The following EDAR variants were observed in gnomAD, a reference collection of about 807,000 sequenced individuals.
The protein encoded by EDAR is tumor necrosis factor receptor superfamily member EDAR.
EDAR carries 38 observed loss-of-function variants against 51.3 expected under a neutral mutation model. The observed-to-expected ratio is 0.74, with a 90% CI of 0.57 to 0.97. The LOEUF (loss-of-function observed/expected upper bound fraction) is 0.97, where lower values mean the gene tolerates loss of function less well. Ranked by LOEUF, EDAR falls within the 50% of genes least tolerant of loss-of-function variation. The pLI, the probability that EDAR is intolerant of heterozygous loss-of-function variation, is 0.00. For synonymous variants in EDAR, 227 were observed against 242.1 expected, an observed-to-expected ratio of 0.94 and a Z score of 0.58; for missense variants, 528 against 595.0, an observed-to-expected ratio of 0.89 and a Z score of 1.17.
chr2:108,942,539 C>G (rs942477977), intron 1 of EDAR, among the ~76,000 whole-genome samples: 1 of 152,270 alleles, frequency 6.6e-6, no homozygotes, highest in Non-Finnish European at 1.5e-5. Context: ...CAGGGGCCAG[C>G]GTCCCCGTCT....
rs1212929441 is a variant in EDAR, at chr2:108,894,745, T to A, written c.*2162A>T. 1 of 146,422 alleles carries A rather than the reference T, an allele frequency of 6.8e-6. No individual in the cohort carries two copies. Among genetic ancestry groups the A allele is most frequent in the Admixed American group, 6.6e-5 (1 of 15,088 alleles). The allele number at this position is 146,422 out of a possible 1,614,324, so 9.1% of individuals were successfully genotyped here. On this transcript the variant is annotated 3_prime_UTR_variant, in exon 12 of 12. Transcript: ENST00000258443. ...AAAGCTTGTCAGAGTAAATCCCATG[T>A]TTCCAAATAAGTAAATGACAAGGGA...
Position 108,910,607 on chromosome 2 carries a change from T to A in EDAR, c.731-75A>T, listed in dbSNP as rs1272656298. Reference sequence around the variant, plus strand: ...GGCTCTGCGCTCAGCCCAACCCTGCTCTTCCTGTTGGGCAGAGCTGCCCGG... The same window carrying A: ...GGCTCTGCGCTCAGCCCAACCCTGCACTTCCTGTTGGGCAGAGCTGCCCGG... On this transcript the variant is annotated intron_variant, in intron 8 of 11. Transcript: ENST00000258443. 4 of 1,437,308 alleles carry A rather than the reference T, an allele frequency of 2.8e-6. No individual in the cohort carries two copies. The Admixed American group carries it at 5.4e-5, about 19-fold the overall frequency. 89.0% of individuals were successfully genotyped at this position (1,437,308 alleles called of 1,614,324 possible).
At chr2:108,924,315 C>A (rs1437125960) in intron 4 of EDAR, among the ~76,000 whole-genome samples, 2 of 152,260 alleles carry the variant, frequency 1.3e-5, no homozygotes, top group African/African-American at 4.8e-5. Context: ...GGCACAGCCC[C>A]TGCTGGCACC....
At chr2:108,898,625 C>CAT (rs1448034318) in intron 11 of EDAR, among the ~76,000 whole-genome samples, 8 of 152,070 alleles carry the variant, frequency 5.3e-5, no homozygotes, top group Admixed American at 1.3e-4. Flanking sequence ...ACTGAGATGA[C>CAT]AGATGTTAGA....
At chr2:108,948,344 T>C (rs560597330) in intron 1 of EDAR, among the ~76,000 whole-genome samples, 1 of 152,340 alleles carries the variant, frequency 6.6e-6, no homozygotes, top group Admixed American at 6.5e-5. Context: ...TCTTCTGAGC[T>C]TTCCAAACTA....
intron 1 of EDAR, among the ~76,000 whole-genome samples, chr2:108,953,026 A>C (rs1263123980): frequency 6.6e-6 from 1 of 152,224 alleles, no homozygotes; most frequent in Non-Finnish European, 1.5e-5. Flanking sequence ...GTAGGTGTAC[A>C]TATTTATGTG....
At chr2:108,941,297 G>A (rs1697589313) in intron 1 of EDAR, among the ~76,000 whole-genome samples, 1 of 152,172 alleles carries the variant, frequency 6.6e-6, no homozygotes, top group South Asian at 2.1e-4. Flanking sequence ...CTGGGCCTGG[G>A]CAGTCCTGAC....
chr2:108,957,505 G>A (rs1266061958), intron 1 of EDAR, among the ~76,000 whole-genome samples: 2 of 152,216 alleles, frequency 1.3e-5, no homozygotes, highest in Non-Finnish European at 2.9e-5. Flanking sequence ...GGGGCTGGAT[G>A]GTTCTATCAG....
At chr2:108,941,593 A>AAG (rs1697597736) in intron 1 of EDAR, among the ~76,000 whole-genome samples, 3 of 152,280 alleles carry the variant, frequency 2.0e-5, no homozygotes, top group Middle Eastern at 3.4e-3. Context: ...GCCAACAGGG[A>AAG]AGAGTAGAAG....
chr2:108,947,599 A>G (rs1266682983), intron 1 of EDAR, among the ~76,000 whole-genome samples: 1 of 152,152 alleles, frequency 6.6e-6, no homozygotes, highest in African/African-American at 2.4e-5. Flanking sequence ...CCGCAGTCCC[A>G]ACACCAAGTG....
At position 108,929,211 on chromosome 2, in the gene EDAR, G is replaced by A. The variant is rs748083346; in HGVS notation, c.343C>T (p.Pro115Ser). 2 of 1,614,064 alleles carry A rather than the reference G, an allele frequency of 1.2e-6. No homozygotes were observed. The highest frequency in any genetic ancestry group is 8.5e-7 in the Non-Finnish European group (1 of 1,180,040). Residue 115 changes from proline (P) to serine (S), a missense_variant, in exon 4 of 12, where the codon CCT (proline) becomes TCT (serine). Transcript: ENST00000258443. ...GDMENDAECG[P>S]CLPGYYMLEN... ...GCCTGTGCTTACCCAGGGAGGCAAG[G>A]GCCACACTCAGCGTCATTCTCCATG...
chr2:108,924,022 A>G (rs1697202841), intron 4 of EDAR, among the ~76,000 whole-genome samples: 4 of 152,234 alleles, frequency 2.6e-5, no homozygotes, highest in Admixed American at 2.6e-4. Context: ...GGCCCTCATG[A>G]TAGCTGGCAA....
At position 108,974,020 on chromosome 2, in the gene EDAR, A is replaced by G. The variant is rs112024725; in HGVS notation, c.-19+14940T>C. 9.9e-3 allele frequency among the ~76,000 whole-genome samples: 1,502 copies of G among 152,276 alleles called. 33 individuals carry two copies. Among genetic ancestry groups the G allele is most frequent in the African/African-American group, 0.035 (1,454 of 41,550 alleles). On this transcript the variant is annotated intron_variant, in intron 1 of 11. Coordinates refer to ENST00000258443, the MANE Select transcript of EDAR (RefSeq NM_022336.4). Reference sequence around the variant, plus strand: ...GTCCATTCATTCTCCAAATAGAAATAATAAGAAAAATAGAAATGCCACATA... The same window carrying G: ...GTCCATTCATTCTCCAAATAGAAATGATAAGAAAAATAGAAATGCCACATA...
At chr2:108,912,465 G>A (rs563064685) in intron 6 of EDAR, among the ~76,000 whole-genome samples, 9 of 152,218 alleles carry the variant, frequency 5.9e-5, no homozygotes, top group Middle Eastern at 3.4e-3. Context: ...ACCTCCCAGC[G>A]GTCCCAGGAC....
At chr2:108,903,190 C>T (rs147146076) in intron 11 of EDAR, among the ~76,000 whole-genome samples, 1 of 152,036 alleles carries the variant, frequency 6.6e-6, no homozygotes, top group East Asian at 1.9e-4. Flanking sequence ...AAAATATGCA[C>T]AGAACTTGTA....
intron 1 of EDAR, among the ~76,000 whole-genome samples, chr2:108,983,946 G>C (rs1024120576): frequency 5.9e-5 from 9 of 152,242 alleles, no homozygotes; most frequent in Non-Finnish European, 1.2e-4. Context: ...CAGCTGGCCA[G>C]TGGCTCTGCG....
intron 1 of EDAR, among the ~76,000 whole-genome samples, chr2:108,950,077 C>T (rs957608309): frequency 6.6e-6 from 1 of 152,148 alleles, no homozygotes; most frequent in African/African-American, 2.4e-5. Context: ...GCACTTATGA[C>T]CCCAGGAGGG....
chr2:108,910,610 T>G, intron 8 of EDAR, 78 bp from the exon 9 acceptor site: 1 of 1,425,304 alleles, frequency 7.0e-7, no homozygotes, highest in Non-Finnish European at 9.8e-7. Flanking sequence ...ACCCTGCTCT[T>G]CCTGTTGGGC....
At chr2:108,938,792 C>CA (rs1558820643) in intron 1 of EDAR, among the ~76,000 whole-genome samples, 1 of 147,072 alleles carries the variant, frequency 6.8e-6, no homozygotes, top group African/African-American at 2.5e-5. Flanking sequence ...TTCTTCCCCC[C>CA]CCGCCCCACC....
Sources: gnomAD v4.1 joint callset for allele counts (sites outside exome capture counted in the v4.1 genomes callset) on GRCh38, gnomAD v4.1.1 for gene constraint, MANE v1.5 for transcripts, NCBI Gene and HGNC (gene_info 2026-07-23, HGNC 2026-07-21) for gene names.